GOLGA5: variants seen among roughly 807,000 people sequenced by gnomAD.
The protein encoded by GOLGA5 is golgin subfamily A member 5.
GOLGA5 carries 50 observed loss-of-function variants against 93.5 expected under a neutral mutation model. The observed-to-expected ratio is 0.53, with a 90% confidence interval of 0.43 to 0.68. The LOEUF is 0.68. Among genes scored for constraint, GOLGA5 ranks in the 30% least tolerant of loss-of-function variants. The pLI is 0.00. For synonymous variants in GOLGA5, 312 were observed against 304.5 expected, an observed-to-expected ratio of 1.02 and a Z score of -0.26; for missense variants, 760 against 856.4, an observed-to-expected ratio of 0.89 and a Z score of 1.40.
chr14:92,800,702 T>C (rs1884852299), intron 2 of GOLGA5, among the ~76,000 whole-genome samples: 1 of 152,202 alleles, frequency 6.6e-6, no homozygotes, highest in South Asian at 2.1e-4. Context: ...CTGATTTTGT[T>C]GTTGTTGTTC....
chr14:92,835,725 T>G, intron 11 of GOLGA5, 61 bp downstream of exon 11: 25 of 967,148 alleles, frequency 2.6e-5, no homozygotes, highest in Non-Finnish European at 4.1e-5. Context: ...TTTTCAGGGT[T>G]TCAATCACAG....
intron 9 of GOLGA5, among the ~76,000 whole-genome samples, chr14:92,831,504 G>C (rs930810731): frequency 6.6e-6 from 1 of 152,072 alleles, no homozygotes; most frequent in Non-Finnish European, 1.5e-5. Flanking sequence ...ACTAAATTCT[G>C]CTAATAGAAA....
Position 92,810,389 on chromosome 14 carries a change from A to G in GOLGA5, c.1116+12A>G. The stretch of plus-strand genomic sequence containing the variant: ...ATAAACAGATGCAGGTTAGAATGAG[A>G]GACAGCAGATTCCTATTGTTACTTG... On this transcript the variant is annotated intron_variant, in intron 5 of 12. Coordinates refer to ENST00000163416, the MANE Select transcript of GOLGA5 (RefSeq NM_005113.4). 1.3e-6 allele frequency: 2 copies of G among 1,545,138 alleles called. No individual in the cohort carries two copies. Among genetic ancestry groups the G allele is most frequent in the East Asian group, 2.4e-5 (1 of 41,188 alleles).
At chr14:92,836,290 A>G (rs1885640242) in intron 11 of GOLGA5, among the ~76,000 whole-genome samples, 1 of 152,230 alleles carries the variant, frequency 6.6e-6, no homozygotes, top group Middle Eastern at 3.2e-3. Flanking sequence ...GTTTTAATGA[A>G]TTGTGGCATA....
chr14:92,819,404 G>A (rs1347943252), intron 7 of GOLGA5, among the ~76,000 whole-genome samples: 3 of 151,884 alleles, frequency 2.0e-5, no homozygotes, highest in Admixed American at 6.6e-5. Context: ...TGCTGTGGGA[G>A]GATTGTTTGA....
chr14:92,802,970 C>G (rs1014277016), intron 2 of GOLGA5, among the ~76,000 whole-genome samples: 2 of 151,968 alleles, frequency 1.3e-5, no homozygotes, highest in African/African-American at 4.8e-5. Context: ...CCAAACTTAA[C>G]TTTCAGTTTG....
intron 6 of GOLGA5, 102 bp from the exon 7 acceptor site, chr14:92,816,149 T>A: frequency 1.4e-6 from 1 of 735,540 alleles, no homozygotes; most frequent in Non-Finnish European, 2.3e-6. Flanking sequence ...TTGATGGAGA[T>A]AATGGAATTT....
intron 2 of GOLGA5, among the ~76,000 whole-genome samples, chr14:92,798,602 A>C (rs1405193336): frequency 2.6e-5 from 4 of 152,220 alleles, no homozygotes; most frequent in Non-Finnish European, 5.9e-5. Flanking sequence ...TGGCTAATTC[A>C]AGTACCTACT....
At chr14:92,799,537 G>A (rs1165749039) in intron 2 of GOLGA5, among the ~76,000 whole-genome samples, 2 of 151,234 alleles carry the variant, frequency 1.3e-5, no homozygotes, top group Non-Finnish European at 2.9e-5. Context: ...GCCCGCCTCG[G>A]CCTCCCAAAG....
In GOLGA5 at chr14:92,822,202, T is replaced by C. The variant is rs889028150; in HGVS notation, c.1621-2344T>C. On this transcript the variant is annotated intron_variant, in intron 8 of 12. Transcript: ENST00000163416. Reference sequence around the variant, plus strand: ...CCTACCCTAATTACCTTTCTCATAATCTCTTTTCTCACCTCTCTTGATTTT... The same window carrying C: ...CCTACCCTAATTACCTTTCTCATAACCTCTTTTCTCACCTCTCTTGATTTT... Among the ~76,000 whole-genome samples the C allele has an allele frequency of 3.3e-5, 5 of 152,358 alleles. No homozygotes were observed. In the South Asian group the frequency reaches 1.0e-3, roughly 32 times the overall value.
chr14:92,808,027 G>A (rs1885025947), intron 3 of GOLGA5, among the ~76,000 whole-genome samples: 1 of 151,928 alleles, frequency 6.6e-6, no homozygotes. Flanking sequence ...AAGGTCAGGA[G>A]TTCAAGACCA....
At chr14:92,823,180 T>G (rs1885349736) in intron 8 of GOLGA5, among the ~76,000 whole-genome samples, 1 of 152,184 alleles carries the variant, frequency 6.6e-6, no homozygotes, top group Non-Finnish European at 1.5e-5. Context: ...TTCTTCCATA[T>G]GGCTACTTTT....
chr14:92,806,979 G>C lies in GOLGA5; in HGVS notation c.772+16G>C. 6.8e-7 allele frequency: 1 copy of C among 1,467,632 alleles called. No individual in the cohort carries two copies. The highest frequency in any genetic ancestry group is 9.6e-7 in the Non-Finnish European group (1 of 1,046,518). 90.9% of individuals were successfully genotyped at this position (1,467,632 alleles called of 1,614,324 possible). On this transcript the variant is annotated intron_variant, in intron 3 of 12. Coordinates refer to ENST00000163416, the MANE Select transcript of GOLGA5 (RefSeq NM_005113.4). Reference sequence around the variant, plus strand: ...ACTCAAGAAGGTAGAGGCTTAAATTGTTCAGGATTAGGAATTTAACTTTTA... The same window carrying C: ...ACTCAAGAAGGTAGAGGCTTAAATTCTTCAGGATTAGGAATTTAACTTTTA...
intron 9 of GOLGA5, among the ~76,000 whole-genome samples, chr14:92,825,467 A>G (rs546258731): frequency 6.6e-6 from 1 of 152,352 alleles, no homozygotes; most frequent in Admixed American, 6.5e-5. Flanking sequence ...AGAAAGTCAA[A>G]AGAAGGAGCA....
intron 9 of GOLGA5, among the ~76,000 whole-genome samples, chr14:92,828,426 C>A (rs1317477486): frequency 1.3e-5 from 2 of 152,182 alleles, no homozygotes; most frequent in Non-Finnish European, 2.9e-5. Context: ...GTATTTTAAG[C>A]TCACTGTTGA....
At position 92,797,964 on chromosome 14, in the gene GOLGA5, T is replaced by C. The variant is rs764175277; in HGVS notation, c.527T>C (p.Phe176Ser). The change falls in exon 2 of 13, where the codon TTT (phenylalanine) becomes TCT (serine). Residue 176 changes from phenylalanine to serine, a missense_variant. Physicochemically the swap from Phe to Ser is radical, Grantham distance 155 (BLOSUM62 -2). Coordinates refer to ENST00000163416, the MANE Select transcript of GOLGA5 (RefSeq NM_005113.4). The part of the protein sequence containing the change: ...TTIKTIEENS[F>S]GSQTHEAASN... Reference sequence around the variant, plus strand: ...ATCAAAACCATTGAAGAAAATTCTTTTGGGAGCCAAACCCACGGTAGTTAA... The same window carrying C: ...ATCAAAACCATTGAAGAAAATTCTTCTGGGAGCCAAACCCACGGTAGTTAA... The C allele has an allele frequency of 2.5e-6, 4 of 1,586,262 alleles. No homozygotes were observed. The highest frequency in any genetic ancestry group is 4.5e-5 in the East Asian group (2 of 44,760).
intron 10 of GOLGA5, among the ~76,000 whole-genome samples, chr14:92,835,164 G>A (rs1037484608): frequency 2.0e-5 from 3 of 152,168 alleles, no homozygotes; most frequent in Non-Finnish European, 4.4e-5. Context: ...ATAGGCAGTT[G>A]GATGAGTCTG....
chr14:92,816,770 A>C (rs1227074265), intron 7 of GOLGA5, among the ~76,000 whole-genome samples: 1 of 152,120 alleles, frequency 6.6e-6, no homozygotes, highest in Non-Finnish European at 1.5e-5. Flanking sequence ...GTGTTGTCCA[A>C]GCTGGTCCCA....
intron 12 of GOLGA5, 64 bp from the exon 13 acceptor site, chr14:92,839,302 A>T: frequency 1.0e-6 from 1 of 982,476 alleles, no homozygotes; most frequent in Non-Finnish European, 1.6e-6. Context: ...CCCTCAGTGT[A>T]CAGTGGGCCT....
Sources: allele counts gnomAD v4.1 joint callset (sites outside exome capture counted in the v4.1 genomes callset), GRCh38; gene constraint gnomAD v4.1.1; transcripts MANE v1.5; gene names NCBI Gene and HGNC (gene_info 2026-07-23, HGNC 2026-07-21).